The following SLC35F4 variants were observed in gnomAD, a reference collection of about 807,000 sequenced individuals.
SLC35F4 encodes the protein solute carrier family 35 member F4.
Under a neutral mutation model 44.2 loss-of-function variants are expected in SLC35F4, and 24 were observed. The ratio of observed to expected loss-of-function variants is 0.54; its 90% confidence interval spans 0.39 to 0.76. SLC35F4 has a LOEUF of 0.76. Ranked by LOEUF, SLC35F4 falls within the 30% of genes least tolerant of loss-of-function variation. The pLI, the probability that SLC35F4 is intolerant of heterozygous loss-of-function variation, is 0.00. For synonymous variants in SLC35F4, 238 were observed against 223.6 expected (o/e 1.06, Z -0.57); for missense variants, 562 against 586.1 (o/e 0.96, Z 0.42).
chr14:57,895,124 G>A (rs1888845444), intron 1 of SLC35F4, among the ~76,000 whole-genome samples: 1 of 152,090 alleles, frequency 6.6e-6, no homozygotes, highest in South Asian at 2.1e-4. Context: ...TGGCAGTACT[G>A]CCTTGGTGGG....
chr14:57,775,705 C>T (rs2077472087), intron 1 of SLC35F4, among the ~76,000 whole-genome samples: 2 of 152,310 alleles, frequency 1.3e-5, no homozygotes, highest in South Asian at 4.1e-4. Flanking sequence ...TGAGAAAGAA[C>T]CAGCACAAAA....
In SLC35F4 at chr14:57,830,377, A is replaced by G. The variant is rs17093722; in HGVS notation, c.103+35346T>C. On this transcript the variant is annotated intron_variant, in intron 1 of 7. Coordinates refer to ENST00000556826, the MANE Select transcript of SLC35F4 (RefSeq NM_001306087.2). ...TGTTAACTACCACTTCCTTTATAAT[A>G]TCCGAGGAGATTTTTATTTGGATCT... Among the ~76,000 whole-genome samples the G allele has an allele frequency of 0.014, 2,191 of 152,302 alleles. 287 individuals carry two copies. In the East Asian group the frequency reaches 0.33, roughly 23 times the overall value.
chr14:57,732,215 A>G (rs2076360546), intron 1 of SLC35F4, among the ~76,000 whole-genome samples: 1 of 152,216 alleles, frequency 6.6e-6, no homozygotes, highest in Non-Finnish European at 1.5e-5. Flanking sequence ...AAATGGTTAA[A>G]TGGAGAAGAA....
At chr14:57,844,675 T>A (rs1595195013) in intron 1 of SLC35F4, among the ~76,000 whole-genome samples, 1 of 152,166 alleles carries the variant, frequency 6.6e-6, no homozygotes, top group African/African-American at 2.4e-5. Context: ...AATAGAGAAT[T>A]CTTCTCAACA....
intron 1 of SLC35F4, among the ~76,000 whole-genome samples, chr14:57,643,791 G>A (rs146309088): frequency 6.6e-5 from 10 of 151,656 alleles, no homozygotes; most frequent in African/African-American, 1.4e-4. Context: ...CAACAGGCCC[G>A]GGTGTGTGAT....
At chr14:57,783,308 G>A (rs1011578842) in intron 1 of SLC35F4, among the ~76,000 whole-genome samples, 1 of 152,008 alleles carries the variant, frequency 6.6e-6, no homozygotes, top group African/African-American at 2.4e-5. Flanking sequence ...AGAGGCAGCA[G>A]AGAGTTCCCA....
intron 1 of SLC35F4, among the ~76,000 whole-genome samples, chr14:57,977,505 T>A (rs893565825): frequency 6.6e-6 from 1 of 152,162 alleles, no homozygotes; most frequent in Non-Finnish European, 1.5e-5. Context: ...TAGAAAGTGA[T>A]TGACTACAAT....
chr14:57,950,663 TTTTC>T (rs1890119200), intron 1 of SLC35F4, among the ~76,000 whole-genome samples: 1 of 126,948 alleles, frequency 7.9e-6, no homozygotes, highest in East Asian at 2.8e-4. Context: ...TCTTTGTTTC[TTTTC>T]TTTCTTTCTT....
At chr14:57,948,622 C>T (rs1452032545) in intron 1 of SLC35F4, among the ~76,000 whole-genome samples, 1 of 151,580 alleles carries the variant, frequency 6.6e-6, no homozygotes, top group Admixed American at 6.6e-5. Context: ...GAGGTGTGAC[C>T]TTAGATTGTC....
intron 1 of SLC35F4, among the ~76,000 whole-genome samples, chr14:57,884,476 C>T (rs1288065744): frequency 6.6e-6 from 1 of 152,156 alleles, no homozygotes; most frequent in Non-Finnish European, 1.5e-5. Flanking sequence ...GTTTCTTTTT[C>T]ATTCAGGAGA....
chr14:57,814,772 G>A (rs62004965), intron 1 of SLC35F4, among the ~76,000 whole-genome samples: 4,309 of 152,252 alleles, frequency 0.028, 116 homozygotes, highest in African/African-American at 0.075. Flanking sequence ...CCTGGGTATG[G>A]CGATGGAATA....
intron 1 of SLC35F4, among the ~76,000 whole-genome samples, chr14:57,761,687 C>T (rs981584638): frequency 5.3e-5 from 8 of 151,986 alleles, no homozygotes; most frequent in East Asian, 1.9e-4. Flanking sequence ...ACACTATCAG[C>T]GCATATTCTT....
At chr14:57,784,982 A>T (rs1006873317) in intron 1 of SLC35F4, among the ~76,000 whole-genome samples, 1 of 152,108 alleles carries the variant, frequency 6.6e-6, no homozygotes, top group Non-Finnish European at 1.5e-5. Flanking sequence ...TTGTAAGAAT[A>T]CTCTATATAA....
At chr14:57,854,704 C>G (rs975834032) in intron 1 of SLC35F4, among the ~76,000 whole-genome samples, 9 of 152,238 alleles carry the variant, frequency 5.9e-5, no homozygotes, top group African/African-American at 2.2e-4. Flanking sequence ...CATTCTGCCA[C>G]TCACTGGCTG....
Position 57,908,835 on chromosome 14 carries a change from G to A in SLC35F4, n.282+73078C>T, listed in dbSNP as rs139445014. ...GGCTTTTGTTGCCATTGTTTTTGGC[G>A]TTTTAGTCATGAAGTCTTTGCCCAT... On this transcript the variant is annotated intron_variant and non_coding_transcript_variant, in intron 1 of 1. Coordinates refer to the SLC35F4 transcript ENST00000556568. 2.3e-3 allele frequency among the ~76,000 whole-genome samples: 356 copies of A among 152,246 alleles called. 2 individuals carry two copies. Among genetic ancestry groups the A allele is most frequent in the South Asian group, 7.5e-3 (36 of 4,824 alleles).
chr14:57,619,397 A>T (rs2072048345), intron 1 of SLC35F4, among the ~76,000 whole-genome samples: 1 of 152,220 alleles, frequency 6.6e-6, no homozygotes, highest in South Asian at 2.1e-4. Flanking sequence ...ACCCAGGCAA[A>T]AAAGGTCTGG....
chr14:57,745,977 G>T (rs150911667), intron 1 of SLC35F4, among the ~76,000 whole-genome samples: 4 of 151,668 alleles, frequency 2.6e-5, no homozygotes, highest in Admixed American at 2.0e-4. Flanking sequence ...GCAAACTATC[G>T]CAAGGACAAA....
intron 1 of SLC35F4, among the ~76,000 whole-genome samples, chr14:57,793,434 TG>T (rs2077978108): frequency 6.6e-6 from 1 of 152,096 alleles, no homozygotes; most frequent in African/African-American, 2.4e-5. Flanking sequence ...TCCATCAAAC[TG>T]TCCTGTATGC....
At position 57,733,360 on chromosome 14, in the gene SLC35F4, TAAAAAA is replaced by T. The variant is rs71104585; in HGVS notation, c.103+132357_103+132362del. Among the ~76,000 whole-genome samples the T allele has an allele frequency of 7.6e-3, 1,050 of 138,476 alleles. 21 individuals are homozygous for T. Among genetic ancestry groups the T allele is most frequent in the East Asian group, 0.046 (224 of 4,838 alleles). The allele number at this position is 138,476 out of a possible 152,430, so 90.8% of individuals were successfully genotyped here. A position where few individuals can be genotyped will look rare whatever the true frequency, so the allele number is the denominator to read the frequency against. On this transcript the variant is annotated intron_variant, in intron 1 of 7. Transcript: ENST00000556826. ...TGCTACAAGGAGAGTCAATTTTCTT[TAAAAAA>T]AAAAAAAAAAAAAAATCCCAGCAAA...
Sources: gnomAD v4.1 joint callset for allele counts (sites outside exome capture counted in the v4.1 genomes callset) on GRCh38, gnomAD v4.1.1 for gene constraint, MANE v1.5 for transcripts, NCBI Gene and HGNC (gene_info 2026-07-23, HGNC 2026-07-21) for gene names.